GUCY2C: variants seen among roughly 807,000 people sequenced by gnomAD.
GUCY2C encodes the protein guanylyl cyclase C.
Under a neutral mutation model 131.1 loss-of-function variants are expected in GUCY2C, and 118 were observed. The ratio of observed to expected loss-of-function variants is 0.90; its 90% confidence interval spans 0.78 to 1.05. The LOEUF is 1.05. Ranked by LOEUF, GUCY2C falls within the 50% of genes least tolerant of loss-of-function variation. The pLI is 0.00. For synonymous variants in GUCY2C, 452 were observed against 457.8 expected (o/e 0.99, Z 0.16); for missense variants, 1,161 against 1,304.4 (o/e 0.89, Z 1.69).
chr12:14,632,151 C>T (rs529804714), intron 19 of GUCY2C, among the ~76,000 whole-genome samples: 4 of 152,142 alleles, frequency 2.6e-5, no homozygotes, highest in South Asian at 2.1e-4. Context: ...GAGTAGGTTG[C>T]GAAAATTTTC....
intron 12 of GUCY2C, among the ~76,000 whole-genome samples, chr12:14,653,721 C>G (rs772711790): frequency 3.3e-5 from 5 of 152,204 alleles, no homozygotes; most frequent in Non-Finnish European, 7.4e-5. Flanking sequence ...CTCATAAAAA[C>G]CTGAGATGTG....
chr12:14,681,994 TG>T (rs1948356372), intron 4 of GUCY2C, among the ~76,000 whole-genome samples: 1 of 152,178 alleles, frequency 6.6e-6, no homozygotes, highest in African/African-American at 2.4e-5. Flanking sequence ...TTGATTCCTG[TG>T]GGTCTCTAGA....
intron 19 of GUCY2C, among the ~76,000 whole-genome samples, chr12:14,636,502 A>G (rs1226160288): frequency 6.6e-6 from 1 of 152,174 alleles, no homozygotes; most frequent in Non-Finnish European, 1.5e-5. Context: ...ACAAAATAAT[A>G]AAAGCCATAT....
At chr12:14,694,082 A>G (rs1948618682) in intron 1 of GUCY2C, among the ~76,000 whole-genome samples, 1 of 152,148 alleles carries the variant, frequency 6.6e-6, no homozygotes, top group Non-Finnish European at 1.5e-5. Flanking sequence ...TTGAATCCAC[A>G]TGCTATTCAT....
At chr12:14,621,238 A>C (rs1233114371) in intron 22 of GUCY2C, 22 bp from the exon 23 acceptor site, 1 of 1,596,754 alleles carries the variant, frequency 6.3e-7, no homozygotes, top group Non-Finnish European at 8.6e-7. Context: ...GTTTCTCATG[A>C]GTGCCTCTGC....
rs115116927 is a variant in GUCY2C at position 14,621,360 on chromosome 12, T to C, written c.2602-144A>G. ...CCCTTTACACTTTTTCTGGGGCCAG[T>C]TGGATCAGTTCTATGCTGATTTCTT... is the stretch of plus-strand genomic sequence containing the variant. On this transcript the variant is annotated intron_variant, in intron 22 of 26. Coordinates refer to ENST00000261170, the MANE Select transcript of GUCY2C (RefSeq NM_004963.4). The C allele has an allele frequency of 7.5e-5, 51 of 679,692 alleles. No individual in the cohort carries two copies. The African/African-American group carries it at 8.9e-4, about 12-fold the overall frequency. The allele number at this position is 679,692 out of a possible 1,614,324, so 42.1% of individuals were successfully genotyped here.
chr12:14,665,077 T>A (rs1947948250), intron 10 of GUCY2C, among the ~76,000 whole-genome samples: 1 of 151,974 alleles, frequency 6.6e-6, no homozygotes, highest in South Asian at 2.1e-4. Flanking sequence ...CCGGCCGCGG[T>A]GGCAGGTGCC....
At chr12:14,643,727 G>A in intron 16 of GUCY2C, 21 bp from the exon 17 acceptor site, 2 of 1,603,768 alleles carry the variant, frequency 1.2e-6, no homozygotes, top group Non-Finnish European at 1.7e-6. Context: ...TTAGATGATA[G>A]AAAAACAGAA....
chr12:14,631,940 G>A (rs1947154905), intron 19 of GUCY2C, among the ~76,000 whole-genome samples: 2 of 149,908 alleles, frequency 1.3e-5, no homozygotes, highest in Non-Finnish European at 3.0e-5. Flanking sequence ...GTGTGAGATG[G>A]TATCTCATTG....
chr12:14,616,730 G>C lies in GUCY2C; in HGVS notation c.2876-3C>G, dbSNP rs1158092892. 1 of 1,575,260 alleles carries C rather than the reference G, an allele frequency of 6.3e-7. No individual in the cohort carries two copies. The highest frequency in any genetic ancestry group is 8.7e-7 in the Non-Finnish European group (1 of 1,144,838). ...GCCACTCACGTGAATTCTCAAAGCT[G>C]GAAATGCAAATTGACAAATAAAAAT... On this transcript the variant is annotated splice_region_variant and splice_polypyrimidine_tract_variant and intron_variant, in intron 24 of 26. Coordinates refer to ENST00000261170, the MANE Select transcript of GUCY2C (RefSeq NM_004963.4).
At chr12:14,674,807 C>A in intron 7 of GUCY2C, 47 bp from the exon 8 acceptor site, 1 of 1,460,050 alleles carries the variant, frequency 6.8e-7, no homozygotes, top group South Asian at 1.3e-5. Context: ...AAAAAAGAAT[C>A]TTGTCTTGAG....
chr12:14,659,549 T>C (rs35868431), intron 11 of GUCY2C, among the ~76,000 whole-genome samples: 107 of 152,196 alleles, frequency 7.0e-4, no homozygotes, highest in Non-Finnish European at 1.3e-3. Context: ...GATTATTCTC[T>C]TTGTATGCTT....
chr12:14,693,800 G>T (rs750906777), intron 1 of GUCY2C, among the ~76,000 whole-genome samples: 1 of 152,184 alleles, frequency 6.6e-6, no homozygotes, highest in African/African-American at 2.4e-5. Context: ...AGTGAAACTC[G>T]GAGATGATAA....
At position 14,613,549 on chromosome 12, in the gene GUCY2C, C is replaced by G. The variant is rs549858346; in HGVS notation, c.3048-258G>C. Among the ~76,000 whole-genome samples, 1 of 152,080 alleles carries G rather than the reference C, an allele frequency of 6.6e-6. No homozygotes were observed. Among genetic ancestry groups the G allele is most frequent in the East Asian group, 1.9e-4 (1 of 5,192 alleles). Reference sequence around the variant, plus strand: ...AATTTGGAGGCATGGTTGGGAGGATCTAGGTTTACATATGCCACTGCAGGA... The same window carrying G: ...AATTTGGAGGCATGGTTGGGAGGATGTAGGTTTACATATGCCACTGCAGGA... On this transcript the variant is annotated intron_variant, in intron 26 of 26. Coordinates refer to ENST00000261170, the MANE Select transcript of GUCY2C (RefSeq NM_004963.4). The surrounding 1 kb of genome is among the most constrained non-coding windows in gnomAD (Gnocchi z 4.9).
At chr12:14,668,556 A>T (rs760203903) in intron 10 of GUCY2C, among the ~76,000 whole-genome samples, 5 of 151,800 alleles carry the variant, frequency 3.3e-5, no homozygotes, top group Non-Finnish European at 7.4e-5. Flanking sequence ...CTCCCACCTC[A>T]GTCTCCCAAA....
intron 19 of GUCY2C, among the ~76,000 whole-genome samples, chr12:14,631,253 T>G (rs965045472): frequency 3.3e-5 from 5 of 152,188 alleles, no homozygotes; most frequent in East Asian, 3.8e-4. Context: ...TATTATACTT[T>G]AAGTTTTAGG....
At position 14,652,973 on chromosome 12, in the gene GUCY2C, T is replaced by C. The variant is rs61729792; in HGVS notation, c.1512A>G (p.Arg504=). The C allele has an allele frequency of 3.9e-4, 631 of 1,611,748 alleles. No homozygotes were observed. In the African/African-American group the frequency reaches 7.8e-3, roughly 20 times the overall value. ...DKRRDTIQRL[R]QCKYDKKRVI... is the part of the protein sequence containing the mutation. The stretch of plus-strand genomic sequence containing the variant: ...TCACCTTTTTGTCGTATTTGCACTG[T>C]CGTAGTCTCTGGATTGTATCTCGTC... Residue 504 remains arginine (R), a synonymous_variant, in exon 13 of 27, where the codon CGA becomes CGG. Coordinates refer to ENST00000261170, the MANE Select transcript of GUCY2C (RefSeq NM_004963.4).
intron 25 of GUCY2C, among the ~76,000 whole-genome samples, chr12:14,615,149 G>T (rs1946733550): frequency 6.6e-6 from 1 of 152,114 alleles, no homozygotes; most frequent in Non-Finnish European, 1.5e-5. Context: ...TTAAAAATAA[G>T]TTTCTCATTC....
intron 12 of GUCY2C, 114 bp from the exon 13 acceptor site, chr12:14,653,128 G>T (rs1947699844): frequency 2.5e-6 from 2 of 810,246 alleles, no homozygotes; most frequent in African/African-American, 1.7e-5. Context: ...TCAATAACAT[G>T]CTGGGCAAGC....
Sources: allele counts gnomAD v4.1 joint callset (sites outside exome capture counted in the v4.1 genomes callset), GRCh38; gene constraint gnomAD v4.1.1; non-coding constraint Gnocchi (gnomAD v3.1); transcripts MANE v1.5; gene names NCBI Gene and HGNC (gene_info 2026-07-23, HGNC 2026-07-21).